MAST4: variants seen among roughly 807,000 people sequenced by gnomAD.
MAST4 encodes the protein microtubule associated serine/threonine kinase family member 4.
Under a neutral mutation model 162.7 loss-of-function variants are expected in MAST4, and 89 were observed. The observed-to-expected ratio is 0.55, with a 90% CI of 0.46 to 0.65. MAST4 has a LOEUF of 0.65. Among genes scored for constraint, MAST4 ranks in the 30% least tolerant of loss-of-function variants. MAST4 has a pLI of 0.00. For synonymous variants in MAST4, 1,479 were observed against 1,361.1 expected, an observed-to-expected ratio of 1.09 and a Z score of -1.91; for missense variants, 3,153 against 3,374.0, an observed-to-expected ratio of 0.93 and a Z score of 1.62.
At chr5:66,879,823 T>A (rs1761573115) in intron 3 of MAST4, among the ~76,000 whole-genome samples, 1 of 152,192 alleles carries the variant, frequency 6.6e-6, no homozygotes, top group African/African-American at 2.4e-5. Context: ...ATAGCTTTCT[T>A]ACTTATAATT....
Position 67,166,737 on chromosome 5 carries a change from T to TC in MAST4, c.7561dup (p.Leu2521ProfsTer54), listed in dbSNP as rs1430312774. On this transcript the variant is annotated frameshift_variant, in exon 29 of 29. Coordinates refer to ENST00000403625, the MANE Select transcript of MAST4 (RefSeq NM_001164664.2). LOFTEE classifies it low-confidence loss of function (END_TRUNC). ...CCGAACCCACATGACAAAGAGTGACTCCCTGCCCTCCTTCCGGGTCTCCAC... is the reference window on the plus strand; with the variant it reads ...CCGAACCCACATGACAAAGAGTGACTCCCCTGCCCTCCTTCCGGGTCTCCAC... The TC allele has an allele frequency of 6.3e-7, 1 of 1,590,252 alleles. No individual in the cohort carries two copies. Among genetic ancestry groups the TC allele is most frequent in the Admixed American group, 1.8e-5 (1 of 56,492 alleles).
chr5:66,698,639 CT>C (rs1749566451), intron 1 of MAST4, among the ~76,000 whole-genome samples: 1 of 152,176 alleles, frequency 6.6e-6, no homozygotes. Flanking sequence ...CAGCACTGAT[CT>C]CTCACAGGAA....
intron 3 of MAST4, among the ~76,000 whole-genome samples, chr5:66,821,331 A>G (rs957972401): frequency 6.6e-6 from 1 of 152,318 alleles, no homozygotes; most frequent in Non-Finnish European, 1.5e-5. Flanking sequence ...ACCTTTGTTA[A>G]CTTTAGAGGT....
chr5:67,014,789 G>A (rs151216603), intron 4 of MAST4, among the ~76,000 whole-genome samples: 2 of 152,304 alleles, frequency 1.3e-5, no homozygotes, highest in East Asian at 3.9e-4. Context: ...TGCCATTTTA[G>A]CAGGTAGACT....
chr5:66,964,781 C>G (rs1030333093), intron 4 of MAST4, among the ~76,000 whole-genome samples: 1 of 151,890 alleles, frequency 6.6e-6, no homozygotes, highest in Non-Finnish European at 1.5e-5. Context: ...CCAGCCTGGG[C>G]GAAAGAGTGA....
chr5:67,019,494 A>G (rs1753712046), intron 4 of MAST4, among the ~76,000 whole-genome samples: 1 of 152,252 alleles, frequency 6.6e-6, no homozygotes, highest in South Asian at 2.1e-4. Flanking sequence ...TATGTATGTG[A>G]GCAGGCTTGC....
At position 67,142,401 on chromosome 5, in the gene MAST4, T is replaced by A; in HGVS notation, c.2618-20T>A. ...TGAAAATCTGAGTAATTGGACCTGTTCCCAAACATTTCACTGCAGCTCGGT... is the reference window on the plus strand; with the variant it reads ...TGAAAATCTGAGTAATTGGACCTGTACCCAAACATTTCACTGCAGCTCGGT... On this transcript the variant is annotated intron_variant, in intron 20 of 28. Coordinates refer to ENST00000403625, the MANE Select transcript of MAST4 (RefSeq NM_001164664.2). The A allele has an allele frequency of 6.4e-7, 1 of 1,565,206 alleles. No individual in the cohort carries two copies. Among genetic ancestry groups the A allele is most frequent in the Non-Finnish European group, 8.7e-7 (1 of 1,148,608 alleles).
intron 1 of MAST4, among the ~76,000 whole-genome samples, chr5:66,687,589 TATAC>T (rs749294778): frequency 2.0e-5 from 3 of 148,888 alleles, no homozygotes; most frequent in Non-Finnish European, 2.9e-5. Flanking sequence ...TGTGTATATA[TATAC>T]ATACATATAT....
chr5:67,064,633 C>A (rs74514219), intron 5 of MAST4, among the ~76,000 whole-genome samples: 4,633 of 152,260 alleles, frequency 0.03, 243 homozygotes, highest in African/African-American at 0.1. Flanking sequence ...CATTGCTAAG[C>A]TGAATGGAGG....
intron 3 of MAST4, among the ~76,000 whole-genome samples, chr5:66,842,130 C>G (rs56202840): frequency 0.25 from 37,673 of 151,986 alleles, 5,773 homozygotes; most frequent in Non-Finnish European, 0.35. Context: ...AACAGTAACT[C>G]TTTGGAATAA....
At chr5:66,863,262 G>A (rs531470131) in intron 3 of MAST4, among the ~76,000 whole-genome samples, 99 of 152,178 alleles carry the variant, frequency 6.5e-4, no homozygotes, top group Non-Finnish European at 1.1e-3. Flanking sequence ...CAGCTTCCCC[G>A]CTCAAATTGT....
chr5:67,091,211 A>G (rs1763831109), intron 6 of MAST4, among the ~76,000 whole-genome samples: 1 of 152,244 alleles, frequency 6.6e-6, no homozygotes, highest in African/African-American at 2.4e-5. Flanking sequence ...TCAGCATGTC[A>G]TGCATTTTAC....
chr5:66,830,660 C>T (rs1757537158), intron 3 of MAST4, among the ~76,000 whole-genome samples: 1 of 152,104 alleles, frequency 6.6e-6, no homozygotes, highest in African/African-American at 2.4e-5. Context: ...TAATACAAAA[C>T]CTATTTTGCT....
At chr5:66,627,749 C>A (rs770639757) in intron 1 of MAST4, among the ~76,000 whole-genome samples, 4 of 151,880 alleles carry the variant, frequency 2.6e-5, no homozygotes, top group Admixed American at 1.3e-4. Flanking sequence ...AAATAGGGAG[C>A]TGTAAAGCTG....
chr5:66,729,879 A>G (rs2149552380), intron 1 of MAST4, among the ~76,000 whole-genome samples: 1 of 152,352 alleles, frequency 6.6e-6, no homozygotes, highest in Non-Finnish European at 1.5e-5. Flanking sequence ...TGAATGATTT[A>G]TTGCAAGCCA....
At chr5:66,671,367 G>T (rs985555086) in intron 1 of MAST4, among the ~76,000 whole-genome samples, 1 of 152,124 alleles carries the variant, frequency 6.6e-6, no homozygotes. Context: ...TGTGAAGAGG[G>T]TACAAGAGTG....
intron 2 of MAST4, among the ~76,000 whole-genome samples, chr5:66,765,589 A>G (rs1364142945): frequency 6.6e-6 from 1 of 152,176 alleles, no homozygotes; most frequent in African/African-American, 2.4e-5. Flanking sequence ...AAAGAATTGG[A>G]ACTGATAATT....
chr5:67,022,540 G>T (rs1022652326), intron 4 of MAST4, among the ~76,000 whole-genome samples: 3 of 152,114 alleles, frequency 2.0e-5, no homozygotes, highest in African/African-American at 7.2e-5. Context: ...AAACAAGGAG[G>T]CAGGCAGCAG....
At chr5:66,825,914 T>G (rs997201685) in intron 3 of MAST4, among the ~76,000 whole-genome samples, 3 of 152,192 alleles carry the variant, frequency 2.0e-5, no homozygotes, top group Non-Finnish European at 1.5e-5. Context: ...ATATATTCCA[T>G]GGAGGTATAA....
Sources: gnomAD v4.1 joint callset for allele counts (sites outside exome capture counted in the v4.1 genomes callset) on GRCh38, gnomAD v4.1.1 for gene constraint, MANE v1.5 for transcripts, NCBI Gene and HGNC (gene_info 2026-07-23, HGNC 2026-07-21) for gene names.